ABCC4: variants seen among roughly 807,000 people sequenced by gnomAD.
The protein encoded by ABCC4 is ATP-binding cassette sub-family C member 4.
ABCC4 carries 102 observed loss-of-function variants against 168.5 expected under a neutral mutation model. The observed-to-expected ratio is 0.61, with a 90% CI of 0.52 to 0.71. The LOEUF (loss-of-function observed/expected upper bound fraction) is 0.71. Ranked by LOEUF, ABCC4 falls within the 30% of genes least tolerant of loss-of-function variation. ABCC4 has a pLI of 0.00. For synonymous variants in ABCC4, 617 were observed against 590.7 expected (o/e 1.04, Z -0.65); for missense variants, 1,402 against 1,605.8 (o/e 0.87, Z 2.17).
At chr13:95,066,344 A>G (rs528401796) in intron 25 of ABCC4, among the ~76,000 whole-genome samples, 59 of 152,354 alleles carry the variant, frequency 3.9e-4, no homozygotes, top group Non-Finnish European at 6.9e-4. Flanking sequence ...CAGCCATAAA[A>G]TCTGCGAATT....
chr13:95,202,644 C>T (rs1424332839), intron 8 of ABCC4, among the ~76,000 whole-genome samples: 19 of 93,062 alleles, frequency 2.0e-4, no homozygotes, highest in South Asian at 7.7e-4. Context: ...AGAATGTGCA[C>T]TTTTTTTTTT....
intron 19 of ABCC4, among the ~76,000 whole-genome samples, chr13:95,127,885 C>T (rs2035838309): frequency 6.6e-6 from 1 of 152,168 alleles, no homozygotes; most frequent in South Asian, 2.1e-4. Context: ...ATAACTGTCA[C>T]TGAACATGTT....
At chr13:95,235,751 G>C (rs758263922) in intron 3 of ABCC4, among the ~76,000 whole-genome samples, 1 of 152,070 alleles carries the variant, frequency 6.6e-6, no homozygotes, top group Non-Finnish European at 1.5e-5. Context: ...CAGGCTCTTG[G>C]ACCCACAGGA....
intron 9 of ABCC4, among the ~76,000 whole-genome samples, chr13:95,189,399 G>A (rs2038185296): frequency 1.3e-5 from 2 of 152,228 alleles, no homozygotes; most frequent in Admixed American, 1.3e-4. Context: ...GGGATTACAG[G>A]CGTGAGCCAC....
chr13:95,244,949 C>A, intron 3 of ABCC4, among the ~76,000 whole-genome samples: 1 of 152,074 alleles, frequency 6.6e-6, no homozygotes, highest in East Asian at 1.9e-4. Flanking sequence ...TTAAAGCTCC[C>A]CTCGATCCGG....
At chr13:95,061,594 TTGTGTGTGTGTGTGTGTG>T (rs57517042) in intron 26 of ABCC4, among the ~76,000 whole-genome samples, 4 of 133,940 alleles carry the variant, frequency 3.0e-5, no homozygotes, top group South Asian at 2.5e-4. Flanking sequence ...GAATATGTGT[TTGTGTGTGTGTGTGTGTG>T]TGTGTGTGTG....
chr13:95,288,954 G>A (rs546679370), intron 1 of ABCC4, among the ~76,000 whole-genome samples: 2 of 152,282 alleles, frequency 1.3e-5, no homozygotes, highest in Non-Finnish European at 2.9e-5. Context: ...CCACATTTGA[G>A]CTCTGTTACA....
chr13:95,157,357 G>A (rs1220519902), intron 19 of ABCC4, among the ~76,000 whole-genome samples: 1 of 151,814 alleles, frequency 6.6e-6, no homozygotes, highest in Non-Finnish European at 1.5e-5. Flanking sequence ...TTAGCCGGAT[G>A]TGGTGGCAGA....
At chr13:95,031,597 G>T (rs146091259) in intron 30 of ABCC4, among the ~76,000 whole-genome samples, 1 of 152,272 alleles carries the variant, frequency 6.6e-6, no homozygotes, top group East Asian at 1.9e-4. Flanking sequence ...CTATACGAAC[G>T]TAAGTTACGA....
At chr13:95,177,683 G>T in intron 13 of ABCC4, 24 bp downstream of exon 13, 2 of 1,588,274 alleles carry the variant, frequency 1.3e-6, no homozygotes, top group East Asian at 2.3e-5. Context: ...AAGCAGAAAT[G>T]ACTTAAGACA....
intron 8 of ABCC4, among the ~76,000 whole-genome samples, chr13:95,195,625 C>CTATTAT (rs1445657049): frequency 1.3e-5 from 2 of 151,998 alleles, no homozygotes; most frequent in Admixed American, 1.3e-4. Context: ...TCACAATCAC[C>CTATTAT]TATTATTATT....
chr13:95,066,084 T>C (rs1023138197), intron 25 of ABCC4, among the ~76,000 whole-genome samples: 1 of 152,206 alleles, frequency 6.6e-6, no homozygotes, highest in Non-Finnish European at 1.5e-5. Flanking sequence ...GAGGACTAAG[T>C]GTGCACATGT....
At chr13:95,266,484 G>A (rs2040678024) in intron 1 of ABCC4, among the ~76,000 whole-genome samples, 1 of 152,182 alleles carries the variant, frequency 6.6e-6, no homozygotes, top group Non-Finnish European at 1.5e-5. Context: ...AAACCACCAA[G>A]TATGTAGGAA....
intron 4 of ABCC4, among the ~76,000 whole-genome samples, chr13:95,219,117 A>G (rs2039239366): frequency 6.6e-6 from 1 of 152,224 alleles, no homozygotes; most frequent in Admixed American, 6.5e-5. Flanking sequence ...CAATCTAATT[A>G]GTCAATTCTA....
intron 1 of ABCC4, among the ~76,000 whole-genome samples, chr13:95,255,003 G>C (rs1027516232): frequency 5.3e-5 from 8 of 152,104 alleles, no homozygotes; most frequent in African/African-American, 1.7e-4. Flanking sequence ...TCCATTACGA[G>C]TCCATGATAT....
At chr13:95,174,271 T>C (rs1019482013) in intron 13 of ABCC4, among the ~76,000 whole-genome samples, 2 of 152,230 alleles carry the variant, frequency 1.3e-5, no homozygotes, top group African/African-American at 2.4e-5. Flanking sequence ...TCTCGATATA[T>C]ATTCATGATT....
intron 3 of ABCC4, among the ~76,000 whole-genome samples, chr13:95,237,063 G>A (rs1416633005): frequency 2.0e-5 from 3 of 152,210 alleles, no homozygotes; most frequent in South Asian, 2.1e-4. Flanking sequence ...CCTGTTACAC[G>A]CTTCTCCATT....
chr13:95,259,649 C>G (rs1041191262), intron 1 of ABCC4, among the ~76,000 whole-genome samples: 1 of 152,172 alleles, frequency 6.6e-6, no homozygotes, highest in African/African-American at 2.4e-5. Flanking sequence ...TTTTTACAGC[C>G]TTTCTGGACA....
At chr13:95,149,552 TTAAAAA>T (rs2036607366) in intron 19 of ABCC4, among the ~76,000 whole-genome samples, 1 of 151,946 alleles carries the variant, frequency 6.6e-6, no homozygotes, top group Non-Finnish European at 1.5e-5. Context: ...GAAAAAAAAA[TTAAAAA>T]TAATGACTAC....
Sources: gnomAD v4.1 joint callset for allele counts (sites outside exome capture counted in the v4.1 genomes callset) on GRCh38, gnomAD v4.1.1 for gene constraint, MANE v1.5 for transcripts, NCBI Gene and HGNC (gene_info 2026-07-23, HGNC 2026-07-21) for gene names.